The following PRKN variants were observed in gnomAD, a reference collection of about 807,000 sequenced individuals.
PRKN encodes parkin RBR E3 ubiquitin protein ligase.
A neutral mutation model predicts 59.5 loss-of-function variants in PRKN; 56 were observed. The ratio of observed to expected loss-of-function variants is 0.94; its 90% confidence interval spans 0.76 to 1.18. PRKN has a LOEUF of 1.18. PRKN is among the 50% of genes most tolerant of loss of function. The pLI is 0.00. For missense variants in PRKN, 657 were observed against 596.4 expected (o/e 1.10, Z -1.06); for synonymous variants, 250 against 222.1 (o/e 1.13, Z -1.12).
Position 161,466,212 on chromosome 6 carries a change from C to T in PRKN, c.1084-79335G>A, listed in dbSNP as rs1020114761. On this transcript the variant is annotated intron_variant, in intron 9 of 11. Coordinates refer to ENST00000366898, the MANE Select transcript of PRKN (RefSeq NM_004562.3). The surrounding 1 kb of genome is among the most constrained non-coding windows in gnomAD (Gnocchi z 5.0). ...TTCTATTTGAACAGTTTATATTGAC[C>T]GCTCTTCAAGATCATTGATACTTAC... 7.9e-5 allele frequency among the ~76,000 whole-genome samples: 12 copies of T among 152,092 alleles called. No individual in the cohort carries two copies. Among genetic ancestry groups the T allele is most frequent in the South Asian group, 2.1e-4 (1 of 4,820 alleles).
At chr6:162,328,263 G>A (rs1445297636) in intron 2 of PRKN, among the ~76,000 whole-genome samples, 1 of 141,572 alleles carries the variant, frequency 7.1e-6, no homozygotes, top group East Asian at 2.0e-4. Flanking sequence ...GGAGGCTGAG[G>A]CAGGAGAATC....
intron 9 of PRKN, among the ~76,000 whole-genome samples, chr6:161,511,906 A>T (rs577187349): frequency 6.6e-6 from 1 of 152,254 alleles, no homozygotes; most frequent in South Asian, 2.1e-4. Context: ...CAGCTCCCGC[A>T]GTTCCATTCA....
At chr6:161,664,671 C>T (rs574990916) in intron 7 of PRKN, among the ~76,000 whole-genome samples, 75 of 152,172 alleles carry the variant, frequency 4.9e-4, no homozygotes, top group African/African-American at 1.7e-3. Context: ...TTTCCAAATA[C>T]TGAGAAGAAT....
chr6:161,382,685 T>C (rs996175502), intron 10 of PRKN, among the ~76,000 whole-genome samples: 11 of 152,232 alleles, frequency 7.2e-5, no homozygotes, highest in African/African-American at 2.7e-4. Flanking sequence ...GATGGATTGA[T>C]CTTCTGTCAC....
At chr6:162,339,005 C>T (rs1433937248) in intron 2 of PRKN, among the ~76,000 whole-genome samples, 1 of 146,808 alleles carries the variant, frequency 6.8e-6, no homozygotes, top group Non-Finnish European at 1.5e-5. Flanking sequence ...GTGAGGAGAC[C>T]CTCTGCCCGG....
At chr6:161,982,325 C>T in intron 5 of PRKN, among the ~76,000 whole-genome samples, 1 of 140,944 alleles carries the variant, frequency 7.1e-6, no homozygotes, top group Non-Finnish European at 1.5e-5. Flanking sequence ...AATGGCCATA[C>T]TGCCCAAGGT....
intron 4 of PRKN, among the ~76,000 whole-genome samples, chr6:162,095,702 A>G (rs1272983723): frequency 6.6e-6 from 1 of 152,124 alleles, no homozygotes; most frequent in Non-Finnish European, 1.5e-5. Context: ...ATACTGATGC[A>G]AACTTAATAT....
intron 2 of PRKN, among the ~76,000 whole-genome samples, chr6:162,366,339 G>A (rs1348563015): frequency 1.3e-5 from 2 of 151,900 alleles, no homozygotes; most frequent in Non-Finnish European, 2.9e-5. Context: ...AAAGGATTTT[G>A]GTTGGCTTTC....
intron 1 of PRKN, among the ~76,000 whole-genome samples, chr6:162,684,741 G>C (rs1452267477): frequency 6.6e-6 from 1 of 152,036 alleles, no homozygotes; most frequent in Non-Finnish European, 1.5e-5. Context: ...TGTTAGTGAG[G>C]TAAATTATTC....
At chr6:162,197,957 T>C (rs1034966818) in intron 4 of PRKN, among the ~76,000 whole-genome samples, 3 of 152,136 alleles carry the variant, frequency 2.0e-5, no homozygotes, top group African/African-American at 7.2e-5. Context: ...TCTGATCTTA[T>C]AACAAGGCTT....
At position 161,878,582 on chromosome 6, in the gene PRKN, G is replaced by A. The variant is rs111949936; in HGVS notation, c.735-92674C>T. Among the ~76,000 whole-genome samples the A allele has an allele frequency of 5.0e-3, 757 of 152,264 alleles. 12 individuals are homozygous for A. Among genetic ancestry groups the A allele is most frequent in the South Asian group, 0.024 (114 of 4,818 alleles). ...GCTACTAATTTGCAGGGGCCATTAC[G>A]AAATGAAAATGCAAGGCCATTGTTG... On this transcript the variant is annotated intron_variant, in intron 6 of 11. Coordinates refer to ENST00000366898, the MANE Select transcript of PRKN (RefSeq NM_004562.3).
intron 4 of PRKN, among the ~76,000 whole-genome samples, chr6:162,088,808 G>A (rs1779358427): frequency 1.3e-5 from 2 of 151,978 alleles, no homozygotes; most frequent in Non-Finnish European, 2.9e-5. Flanking sequence ...TTTTCAACAG[G>A]GTAACAAGAT....
chr6:162,255,386 C>A (rs1216185112), intron 3 of PRKN, among the ~76,000 whole-genome samples: 1 of 152,198 alleles, frequency 6.6e-6, no homozygotes, highest in Non-Finnish European at 1.5e-5. Flanking sequence ...TATCTGACAT[C>A]AACTTCATGA....
intron 1 of PRKN, among the ~76,000 whole-genome samples, chr6:162,602,530 A>G (rs1781752603): frequency 6.6e-6 from 1 of 152,208 alleles, no homozygotes; most frequent in South Asian, 2.1e-4. Flanking sequence ...GTGATTTGGA[A>G]TCATCATTCT....
At chr6:162,108,885 T>A (rs1391729100) in intron 4 of PRKN, among the ~76,000 whole-genome samples, 3 of 152,154 alleles carry the variant, frequency 2.0e-5, no homozygotes, top group African/African-American at 7.2e-5. Flanking sequence ...CTGAGGAGGG[T>A]TCTTGACTTT....
chr6:162,679,074 C>CTTTCTTTATTTATTTA (rs146856789), intron 1 of PRKN, among the ~76,000 whole-genome samples: 1 of 138,114 alleles, frequency 7.2e-6, no homozygotes, highest in Non-Finnish European at 1.5e-5. Context: ...TGTGCCTGGC[C>CTTTCTTTATTTATTTA]TTTATTTATT....
intron 4 of PRKN, among the ~76,000 whole-genome samples, chr6:162,200,534 T>C (rs1784682514): frequency 6.6e-6 from 1 of 152,128 alleles, no homozygotes; most frequent in South Asian, 2.1e-4. Flanking sequence ...ATCTTTTGAT[T>C]TTTCCCAACC....
chr6:162,305,302 C>T (rs961225641), intron 2 of PRKN, among the ~76,000 whole-genome samples: 5 of 151,962 alleles, frequency 3.3e-5, no homozygotes, highest in Admixed American at 6.6e-5. Flanking sequence ...TACCAAACCT[C>T]GAAAAGTTAA....
At chr6:162,144,986 C>G (rs1475356266) in intron 4 of PRKN, among the ~76,000 whole-genome samples, 1 of 152,204 alleles carries the variant, frequency 6.6e-6, no homozygotes, top group Non-Finnish European at 1.5e-5. Flanking sequence ...CAGGCTTTCA[C>G]ACAGAACTCC....
Sources: gnomAD v4.1 joint callset for allele counts (sites outside exome capture counted in the v4.1 genomes callset) on GRCh38, gnomAD v4.1.1 for gene constraint, Gnocchi (gnomAD v3.1) non-coding constraint, MANE v1.5 for transcripts, NCBI Gene and HGNC (gene_info 2026-07-23, HGNC 2026-07-21) for gene names.